The following PCDH15 variants were observed in gnomAD, a reference collection of about 807,000 sequenced individuals.
The protein encoded by PCDH15 is protocadherin-15.
A neutral mutation model predicts 178.5 loss-of-function variants in PCDH15; 129 were observed. That is an observed-to-expected ratio of 0.72 (90% CI 0.63 to 0.84). The LOEUF (loss-of-function observed/expected upper bound fraction) is 0.84. Among genes scored for constraint, PCDH15 ranks in the 40% least tolerant of loss-of-function variants. The pLI, the probability that PCDH15 is intolerant of heterozygous loss-of-function variation, is 0.00. For synonymous variants in PCDH15, 800 were observed against 732.0 expected (o/e 1.09, Z -1.50); for missense variants, 2,230 against 2,099.9 (o/e 1.06, Z -1.21).
intron 21 of PCDH15, among the ~76,000 whole-genome samples, chr10:53,972,436 A>G (rs527457675): frequency 3.0e-4 from 45 of 152,324 alleles, no homozygotes; most frequent in Non-Finnish European, 5.7e-4. Context: ...AAATTGACAA[A>G]TTGGATCTAA....
intron 1 of PCDH15, among the ~76,000 whole-genome samples, chr10:55,295,847 G>A (rs974704766): frequency 1.2e-4 from 18 of 151,854 alleles, no homozygotes; most frequent in East Asian, 3.9e-4. Flanking sequence ...GTTTTAGCAC[G>A]GACATCACAA....
rs1466725165 is a variant in PCDH15, at chr10:54,018,942, A to T, written c.2751+1250T>A. On this transcript the variant is annotated intron_variant, in intron 20 of 37. Transcript: ENST00000644397. ...AAATATAAATCAAAACATGTATACTAAAGTTAAATTGTTTATTCAACTAAT... is the reference window on the plus strand; with the variant it reads ...AAATATAAATCAAAACATGTATACTTAAGTTAAATTGTTTATTCAACTAAT... Among the ~76,000 whole-genome samples the T allele has an allele frequency of 1.3e-5, 2 of 152,100 alleles. 1 individual carries two copies. The highest frequency in any genetic ancestry group is 4.8e-5 in the African/African-American group (2 of 41,442).
chr10:55,175,337 A>T lies in PCDH15; in HGVS notation c.-155-8686T>A, dbSNP rs144579086. Among the ~76,000 whole-genome samples, 972 of 152,308 alleles carry T rather than the reference A, an allele frequency of 6.4e-3. 16 individuals carry two copies. The highest frequency in any genetic ancestry group is 0.022 in the African/African-American group (934 of 41,576). ...CTCTACCTCCTGATTCAATCAAGGTACAACTAATCCTAAAGGATAAGTTTA... is the reference window on the plus strand; with the variant it reads ...CTCTACCTCCTGATTCAATCAAGGTTCAACTAATCCTAAAGGATAAGTTTA... On this transcript the variant is annotated intron_variant, in intron 1 of 5. Coordinates refer to the PCDH15 transcript ENST00000458638.
intron 1 of PCDH15, among the ~76,000 whole-genome samples, chr10:54,702,057 T>G (rs1170330437): frequency 1.3e-5 from 2 of 152,008 alleles, no homozygotes; most frequent in African/African-American, 2.4e-5. Flanking sequence ...CAATCACCCA[T>G]AAGACAATCC....
At chr10:53,953,531 C>A (rs949384267) in intron 23 of PCDH15, among the ~76,000 whole-genome samples, 7 of 151,926 alleles carry the variant, frequency 4.6e-5, no homozygotes, top group African/African-American at 1.7e-4. Flanking sequence ...TGAAAGCCAG[C>A]CACCAGGAAA....
intron 2 of PCDH15, among the ~76,000 whole-genome samples, chr10:55,621,389 C>T (rs1049374616): frequency 1.3e-5 from 2 of 152,006 alleles, no homozygotes; most frequent in Non-Finnish European, 2.9e-5. Context: ...CAATGGTCCC[C>T]GCACCCCAGA....
chr10:54,528,001 CACT>C (rs2083525001), intron 2 of PCDH15, 124 bp from the exon 3 acceptor site: 7 of 723,746 alleles, frequency 9.7e-6, no homozygotes, highest in East Asian at 2.7e-5. Flanking sequence ...TAATATGCAT[CACT>C]ACAATTAATA....
intron 3 of PCDH15, among the ~76,000 whole-genome samples, chr10:54,887,384 T>C (rs900652319): frequency 1.3e-5 from 2 of 152,128 alleles, no homozygotes; most frequent in Non-Finnish European, 2.9e-5. Flanking sequence ...AAACTTGATA[T>C]AGACACAATG....
At chr10:53,982,610 A>G (rs1236840581) in intron 21 of PCDH15, among the ~76,000 whole-genome samples, 7 of 144,908 alleles carry the variant, frequency 4.8e-5, no homozygotes, top group Non-Finnish European at 1.1e-4. Context: ...CATAGGTGGG[A>G]ATTGAACAAT....
At chr10:54,684,046 A>G (rs781482722) in intron 1 of PCDH15, among the ~76,000 whole-genome samples, 1 of 152,086 alleles carries the variant, frequency 6.6e-6, no homozygotes, top group African/African-American at 2.4e-5. Flanking sequence ...TAGGGAAATT[A>G]TACCTAAGAT....
intron 1 of PCDH15, among the ~76,000 whole-genome samples, chr10:54,708,777 A>T (rs2132324531): frequency 7.6e-6 from 1 of 131,762 alleles, no homozygotes; most frequent in South Asian, 2.6e-4. Flanking sequence ...AGGCCAGAAT[A>T]ACGTGTGTGT....
chr10:54,340,645 C>A (rs1401856745), intron 6 of PCDH15, among the ~76,000 whole-genome samples: 1 of 152,100 alleles, frequency 6.6e-6, no homozygotes, highest in Non-Finnish European at 1.5e-5. Context: ...GGAATGAAAG[C>A]AAGCAAAATA....
chr10:54,986,027 A>G (rs1347269704), intron 2 of PCDH15, among the ~76,000 whole-genome samples: 2 of 152,224 alleles, frequency 1.3e-5, no homozygotes, highest in African/African-American at 4.8e-5. Flanking sequence ...CCTCTGTGGA[A>G]TTTCTTTCTC....
intron 2 of PCDH15, among the ~76,000 whole-genome samples, chr10:54,601,208 C>A (rs2092512060): frequency 6.6e-6 from 1 of 151,904 alleles, no homozygotes; most frequent in South Asian, 2.1e-4. Flanking sequence ...AGAGCTTCTG[C>A]ACAGCAAAGG....
chr10:54,759,518 G>A (rs1433216794), intron 1 of PCDH15, among the ~76,000 whole-genome samples: 1 of 152,034 alleles, frequency 6.6e-6, no homozygotes, highest in Non-Finnish European at 1.5e-5. Context: ...GAAACAACCT[G>A]CATGTATGCA....
At chr10:53,899,142 C>CGGG (rs57832917) in intron 26 of PCDH15, among the ~76,000 whole-genome samples, 124 of 139,820 alleles carry the variant, frequency 8.9e-4, no homozygotes, top group East Asian at 1.7e-3. Flanking sequence ...TACTTTTTTT[C>CGGG]GGGGGGGGGT....
At chr10:54,926,917 A>AT (rs1332566448) in intron 2 of PCDH15, among the ~76,000 whole-genome samples, 1 of 151,786 alleles carries the variant, frequency 6.6e-6, no homozygotes, top group Non-Finnish European at 1.5e-5. Flanking sequence ...ATTTGTTGAG[A>AT]TTTTTTAAAA....
At chr10:53,812,893 G>A (rs367880433) in intron 35 of PCDH15, among the ~76,000 whole-genome samples, 1 of 152,084 alleles carries the variant, frequency 6.6e-6, no homozygotes, top group African/African-American at 2.4e-5. Flanking sequence ...TAATGAGTCA[G>A]GAAATAAAAA....
chr10:55,294,051 C>T (rs962682464), intron 1 of PCDH15, among the ~76,000 whole-genome samples: 1 of 152,158 alleles, frequency 6.6e-6, no homozygotes, highest in Non-Finnish European at 1.5e-5. Context: ...AACAGTTCCA[C>T]ATGGCTGAGG....
Sources: allele counts gnomAD v4.1 joint callset (sites outside exome capture counted in the v4.1 genomes callset), GRCh38; gene constraint gnomAD v4.1.1; transcripts MANE v1.5; gene names NCBI Gene and HGNC (gene_info 2026-07-23, HGNC 2026-07-21).